Variants in SH3BGRL2 observed in about 807,000 individuals in gnomAD.
SH3BGRL2 encodes SH3 domain binding glutamate rich protein like 2.
In SH3BGRL2, 21 loss-of-function variants were observed where a neutral mutation model predicts 14.8. The observed-to-expected ratio is 1.42, with a 90% CI of 1.01 to 2.05. SH3BGRL2 has a LOEUF of 2.05. SH3BGRL2 is among the 30% of genes most tolerant of loss of function. The probability of loss-of-function intolerance (pLI) is 0.00; values close to 1 mark genes in which losing one functional copy is unlikely to be tolerated. For synonymous variants in SH3BGRL2, 50 were observed against 47.8 expected (o/e 1.05, Z -0.19); for missense variants, 147 against 130.8 (o/e 1.12, Z -0.61).
At chr6:79,564,867 G>A in the SH3BGRL2 span, among the ~76,000 whole-genome samples, 4 of 152,050 alleles carry the variant, frequency 2.6e-5, no homozygotes, top group Non-Finnish European at 2.9e-5. Flanking sequence ...TATTCTCCTG[G>A]TACATCTCCT....
the SH3BGRL2 span, among the ~76,000 whole-genome samples, chr6:79,562,990 C>T: frequency 6.6e-6 from 1 of 152,176 alleles, no homozygotes; most frequent in East Asian, 1.9e-4. Flanking sequence ...GAGTCTCGCT[C>T]TGTCACCCAG....
chr6:79,585,421 T>A, the SH3BGRL2 span, among the ~76,000 whole-genome samples: 1 of 152,240 alleles, frequency 6.6e-6, no homozygotes, highest in Non-Finnish European at 1.5e-5. Context: ...ATCTCTAACA[T>A]TTATGAAAAT....
chr6:79,599,935 G>T, the SH3BGRL2 span, among the ~76,000 whole-genome samples: 2 of 152,188 alleles, frequency 1.3e-5, no homozygotes, highest in Non-Finnish European at 2.9e-5. Flanking sequence ...TAGCGAAAAT[G>T]AGTTAGGCTG....
chr6:79,614,091 T>C, the SH3BGRL2 span, among the ~76,000 whole-genome samples: 7 of 152,070 alleles, frequency 4.6e-5, no homozygotes, highest in Non-Finnish European at 1.0e-4. Flanking sequence ...ACAGTCCCTG[T>C]AGTGAGAGAG....
At chr6:79,544,131 C>A in the SH3BGRL2 span, among the ~76,000 whole-genome samples, 1 of 152,258 alleles carries the variant, frequency 6.6e-6, no homozygotes, top group African/African-American at 2.4e-5. Flanking sequence ...TTCCTCATCC[C>A]TCTTTTCTGT....
chr6:79,629,647 C>G (rs1015551943), upstream of SH3BGRL2, among the ~76,000 whole-genome samples: 3 of 152,208 alleles, frequency 2.0e-5, no homozygotes, highest in Admixed American at 6.5e-5. Context: ...CACCCTGCAT[C>G]CTCCCTATCT....
At chr6:79,558,550 T>C in the SH3BGRL2 span, among the ~76,000 whole-genome samples, 10 of 152,088 alleles carry the variant, frequency 6.6e-5, no homozygotes, top group African/African-American at 1.7e-4. Flanking sequence ...AAATAAAAAC[T>C]CTTCATAAGT....
the SH3BGRL2 span, among the ~76,000 whole-genome samples, chr6:79,543,750 C>G: frequency 3.9e-5 from 6 of 152,184 alleles, no homozygotes; most frequent in Non-Finnish European, 8.8e-5. Flanking sequence ...GAGTACTCTA[C>G]AGACATCAGT....
chr6:79,585,693 T>G, the SH3BGRL2 span, among the ~76,000 whole-genome samples: 1 of 152,210 alleles, frequency 6.6e-6, no homozygotes, highest in African/African-American at 2.4e-5. Flanking sequence ...TAAGAAGTAT[T>G]TCTTAAGTGT....
At chr6:79,677,886 A>C (rs757413826) in intron 2 of SH3BGRL2, among the ~76,000 whole-genome samples, 32 of 152,144 alleles carry the variant, frequency 2.1e-4, no homozygotes, top group Non-Finnish European at 3.8e-4. Context: ...AGGAGCCAAC[A>C]CTTTGGCTTT....
chr6:79,665,073 G>A (rs191930495), intron 1 of SH3BGRL2, among the ~76,000 whole-genome samples: 169 of 152,206 alleles, frequency 1.1e-3, no homozygotes, highest in African/African-American at 3.6e-3. Flanking sequence ...CGTGGCGGGC[G>A]CCTGTAGTCC....
intron 1 of SH3BGRL2, among the ~76,000 whole-genome samples, chr6:79,651,481 C>T (rs892992462): frequency 1.3e-5 from 2 of 151,996 alleles, no homozygotes; most frequent in East Asian, 1.9e-4. Context: ...GTTCTGCTAA[C>T]GTTTTATTAA....
upstream of SH3BGRL2, among the ~76,000 whole-genome samples, chr6:79,627,268 G>T (rs557059615): frequency 6.6e-6 from 1 of 152,280 alleles, no homozygotes; most frequent in East Asian, 1.9e-4. Context: ...GGACCTGCAT[G>T]TATTTTCCGA....
intron 2 of SH3BGRL2, among the ~76,000 whole-genome samples, chr6:79,680,321 T>A (rs957169838): frequency 6.6e-6 from 1 of 152,148 alleles, no homozygotes; most frequent in African/African-American, 2.4e-5. Context: ...GTTTTCCCAA[T>A]ACTGTTGAAG....
the SH3BGRL2 span, among the ~76,000 whole-genome samples, chr6:79,580,000 A>G: frequency 6.6e-6 from 1 of 152,210 alleles, no homozygotes; most frequent in African/African-American, 2.4e-5. Flanking sequence ...TTGCAATCCT[A>G]GTCTCTGATA....
At chr6:79,689,633 G>T (rs1329942891) in intron 2 of SH3BGRL2, among the ~76,000 whole-genome samples, 4 of 151,512 alleles carry the variant, frequency 2.6e-5, no homozygotes, top group African/African-American at 9.7e-5. Context: ...AAAATTTTGA[G>T]GCTGCAGCCT....
the SH3BGRL2 span, among the ~76,000 whole-genome samples, chr6:79,544,137 T>C: frequency 1.3e-5 from 2 of 152,170 alleles, no homozygotes; most frequent in Non-Finnish European, 2.9e-5. Flanking sequence ...ATCCCTCTTT[T>C]CTGTCTAACA....
intron 1 of SH3BGRL2, among the ~76,000 whole-genome samples, chr6:79,634,940 A>G (rs1215368465): frequency 1.3e-5 from 2 of 152,184 alleles, no homozygotes; most frequent in East Asian, 3.9e-4. Context: ...TCTTGAGCCC[A>G]TCCTGCTCAA....
chr6:79,648,134 G>C (rs1259977812), intron 1 of SH3BGRL2, among the ~76,000 whole-genome samples: 4 of 150,612 alleles, frequency 2.7e-5, no homozygotes, highest in Non-Finnish European at 5.9e-5. Flanking sequence ...CAGAAACCTA[G>C]AAAAACTTCA....
Sources: gnomAD v4.1 joint callset for allele counts (sites outside exome capture counted in the v4.1 genomes callset) on GRCh38, gnomAD v4.1.1 for gene constraint, MANE v1.5 for transcripts, NCBI Gene and HGNC (gene_info 2026-07-23, HGNC 2026-07-21) for gene names.